The following NDUFB3 variants were observed in gnomAD, a reference collection of about 807,000 sequenced individuals.
NDUFB3 encodes NADH:ubiquinone oxidoreductase subunit B3.
A neutral mutation model predicts 9.0 loss-of-function variants in NDUFB3; 7 were observed. The observed-to-expected ratio is 0.78, with a 90% CI of 0.44 to 1.46. NDUFB3 has a LOEUF of 1.46. Among genes scored for constraint, NDUFB3 ranks in the 40% most tolerant of loss-of-function variants. The pLI, the probability that NDUFB3 is intolerant of heterozygous loss-of-function variation, is 0.01. For synonymous variants in NDUFB3, 29 were observed against 38.5 expected, an observed-to-expected ratio of 0.75 and a Z score of 0.91; for missense variants, 93 against 115.4, an observed-to-expected ratio of 0.81 and a Z score of 0.89.
At chr2:201,083,562 G>T (rs1034992800) in intron 2 of NDUFB3, among the ~76,000 whole-genome samples, 3 of 151,376 alleles carry the variant, frequency 2.0e-5, no homozygotes, top group Admixed American at 2.0e-4. Context: ...GGCCAGGCTG[G>T]TCTCAAGCTC....
intron 2 of NDUFB3, chr2:201,080,083 T>C (rs1156850595): frequency 6.6e-6 from 1 of 152,182 alleles, no homozygotes; most frequent in Non-Finnish European, 1.5e-5. Context: ...CTTCTATGCT[T>C]TCTTTTAGAA....
chr2:201,083,601 C>T (rs1020199221), intron 2 of NDUFB3, among the ~76,000 whole-genome samples: 3 of 152,126 alleles, frequency 2.0e-5, no homozygotes, highest in African/African-American at 7.2e-5. Flanking sequence ...CACGCCTCGA[C>T]CTCCCAAAGT....
At position 201,085,539 on chromosome 2, in the gene NDUFB3, G is replaced by A. The variant is rs1328575483; in HGVS notation, c.221G>A (p.Gly74Glu). 7 of 1,612,690 alleles carry A rather than the reference G, an allele frequency of 4.3e-6. No individual in the cohort carries two copies. Among genetic ancestry groups the A allele is most frequent in the African/African-American group, 1.3e-5 (1 of 74,788 alleles). Residue 74 changes from glycine (G) to glutamate (E), a missense_variant, in exon 3 of 3, where the codon GGA (glycine) becomes GAA (glutamate). Transcript: ENST00000237889. ...SDVFFKGFKWGFAAFVVAVGA... is the reference protein window; with the variant it reads ...SDVFFKGFKWEFAAFVVAVGA... ...GTATTCTTTAAAGGATTCAAATGGG[G>A]ATTTGCTGCATTTGTGGTAGCTGTA...
rs1442378879 is a variant in NDUFB3 at position 201,083,293 on chromosome 2, C to G, written c.141-2166C>G. Among the ~76,000 whole-genome samples, 10 of 151,298 alleles carry G rather than the reference C, an allele frequency of 6.6e-5. No individual in the cohort carries two copies. In the East Asian group the frequency reaches 1.9e-3, roughly 29 times the overall value. ...CAGTGATCTCCTAGGTGCCTTTTATCAAGATGAGGAATTTCTCTCTATTTC... is the reference window on the plus strand; with the variant it reads ...CAGTGATCTCCTAGGTGCCTTTTATGAAGATGAGGAATTTCTCTCTATTTC... On this transcript the variant is annotated intron_variant, in intron 2 of 2. Coordinates refer to ENST00000237889, the MANE Select transcript of NDUFB3 (RefSeq NM_002491.3).
chr2:201,078,831 G>T, intron 1 of NDUFB3, 50 bp from the exon 2 acceptor site: 1 of 1,525,460 alleles, frequency 6.6e-7, no homozygotes, highest in South Asian at 1.2e-5. Context: ...TTGGGTATTT[G>T]ATATCTACAA....
intron 1 of NDUFB3, among the ~76,000 whole-genome samples, chr2:201,073,490 T>A (rs1255583408): frequency 1.3e-5 from 2 of 152,168 alleles, no homozygotes; most frequent in African/African-American, 4.8e-5. Context: ...TTTCTTAGGC[T>A]GGGCACGGTG....
At chr2:201,078,732 A>G (rs1265509881) in intron 1 of NDUFB3, 149 bp from the exon 2 acceptor site, 1 of 757,206 alleles carries the variant, frequency 1.3e-6, no homozygotes, top group African/African-American at 1.8e-5. Context: ...AGACACTTTT[A>G]TAAAATCCTT....
chr2:201,072,642 T>C (rs895874409), intron 1 of NDUFB3, among the ~76,000 whole-genome samples: 2 of 151,582 alleles, frequency 1.3e-5, no homozygotes, highest in African/African-American at 4.9e-5. Context: ...TTTATTTAAC[T>C]AATTTCCTTA....
chr2:201,073,875 ATTATGT>A (rs754773752), intron 1 of NDUFB3, among the ~76,000 whole-genome samples: 11 of 152,106 alleles, frequency 7.2e-5, no homozygotes, highest in African/African-American at 2.7e-4. Flanking sequence ...TTGATCTGTG[ATTATGT>A]TTATAAGATT....
At chr2:201,075,588 GGT>G (rs2047155931) in intron 1 of NDUFB3, among the ~76,000 whole-genome samples, 1 of 143,798 alleles carries the variant, frequency 7.0e-6, no homozygotes, top group Non-Finnish European at 1.5e-5. Context: ...AAAAAAAAAA[GGT>G]ATATTTAGTA....
At chr2:201,082,042 T>G (rs1050137187) in intron 2 of NDUFB3, among the ~76,000 whole-genome samples, 1 of 151,958 alleles carries the variant, frequency 6.6e-6, no homozygotes, top group Non-Finnish European at 1.5e-5. Flanking sequence ...GGTCTCGATA[T>G]CCTGACCTCA....
At chr2:201,080,427 A>G (rs1428136032) in intron 2 of NDUFB3, among the ~76,000 whole-genome samples, 1 of 152,136 alleles carries the variant, frequency 6.6e-6, no homozygotes, top group Non-Finnish European at 1.5e-5. Context: ...AAGAATTGCC[A>G]GATGTGATGA....
At chr2:201,079,136 G>C (rs2047197561) in intron 2 of NDUFB3, 114 bp downstream of exon 2, 1 of 1,196,002 alleles carries the variant, frequency 8.4e-7, no homozygotes, top group Non-Finnish European at 1.1e-6. Flanking sequence ...TACTTTAAAG[G>C]GTTTTTTTTG....
At chr2:201,077,096 A>G (rs888160927) in intron 1 of NDUFB3, among the ~76,000 whole-genome samples, 3 of 152,078 alleles carry the variant, frequency 2.0e-5, no homozygotes, top group African/African-American at 7.2e-5. Context: ...GCAAAACTCC[A>G]TCTCAAAAAC....
intron 1 of NDUFB3, among the ~76,000 whole-genome samples, chr2:201,076,523 G>A (rs2047165545): frequency 1.5e-5 from 2 of 130,920 alleles, no homozygotes; most frequent in African/African-American, 2.9e-5. Context: ...AATTAAATGT[G>A]AAAATCATCA....
At chr2:201,072,176 C>G (rs990203965) in intron 1 of NDUFB3, 117 bp downstream of exon 1, 1 of 152,294 alleles carries the variant, frequency 6.6e-6, no homozygotes, top group Non-Finnish European at 1.5e-5. Context: ...GGAGGGAGAT[C>G]AAAGAACTAG....
rs2047284894 is a variant in NDUFB3 at position 201,085,704 on chromosome 2, C to T, written c.*89C>T. 1 of 1,059,002 alleles carries T rather than the reference C, an allele frequency of 9.4e-7. No individual in the cohort carries two copies. Among genetic ancestry groups the T allele is most frequent in the Non-Finnish European group, 1.3e-6 (1 of 751,816 alleles). 65.6% of individuals were successfully genotyped at this position (1,059,002 alleles called of 1,614,324 possible). A position where few individuals can be genotyped will look rare whatever the true frequency, so the allele number is the denominator to read the frequency against. The stretch of plus-strand genomic sequence containing the variant: ...GCCTACTTGTCTGGTTTATCCCTTA[C>T]AGAATATTAGTAAGATTTAATCAAT... On this transcript the variant is annotated 3_prime_UTR_variant, in exon 3 of 3. Transcript: ENST00000237889.
chr2:201,072,552 G>A (rs1021640197), intron 1 of NDUFB3, among the ~76,000 whole-genome samples: 1 of 152,126 alleles, frequency 6.6e-6, no homozygotes, highest in Non-Finnish European at 1.5e-5. Context: ...GCTTCCTTTA[G>A]TGGAGGTTGA....
chr2:201,082,212 C>A (rs140107154), intron 2 of NDUFB3, among the ~76,000 whole-genome samples: 1 of 151,920 alleles, frequency 6.6e-6, no homozygotes, highest in Non-Finnish European at 1.5e-5. Context: ...CCTCAGCCCC[C>A]CAAAGTGCTA....
Sources: allele counts gnomAD v4.1 joint callset (sites outside exome capture counted in the v4.1 genomes callset), GRCh38; gene constraint gnomAD v4.1.1; transcripts MANE v1.5; gene names NCBI Gene and HGNC (gene_info 2026-07-23, HGNC 2026-07-21).